Variants in CHCHD7 observed in about 807,000 individuals in gnomAD.
CHCHD7 encodes coiled-coil-helix-coiled-coil-helix domain containing 7, also known as coiled-coil-helix-coiled-coil-helix domain-containing protein 7.
In CHCHD7, 7 loss-of-function variants were observed where a neutral mutation model predicts 10.5. That is an observed-to-expected ratio of 0.67 (90% CI 0.38 to 1.25). The LOEUF (loss-of-function observed/expected upper bound fraction) is 1.25. Ranked by LOEUF, CHCHD7 falls within the 50% of genes most tolerant of loss-of-function variation. CHCHD7 has a pLI of 0.02. For synonymous variants in CHCHD7, 40 were observed against 36.0 expected, an observed-to-expected ratio of 1.11 and a Z score of -0.40; for missense variants, 100 against 104.5, an observed-to-expected ratio of 0.96 and a Z score of 0.19.
At chr8:56,213,008 C>T (rs1813109106) in intron 1 of CHCHD7, 4 of 706,536 alleles carry the variant, frequency 5.7e-6, no homozygotes, top group Non-Finnish European at 1.0e-5. Context: ...TTGTCTGATC[C>T]TTGTTGAGAT....
Position 56,217,425 on chromosome 8 carries a change from T to C in CHCHD7, c.248T>C (p.Met83Thr), listed in dbSNP as rs201940178. Residue 83 changes from methionine (M) to threonine (T), a missense_variant, in exon 4 of 4, where the codon ATG becomes ACG. Coordinates refer to ENST00000355315, the MANE Select transcript of CHCHD7 (RefSeq NM_001011671.3). The stretch of plus-strand genomic sequence containing the variant: ...GAAATCTTGAGAGCAGTGGGAAATA[T>C]GCCCTATTGAATGTTTGCATTAAAA... ...RDEILRAVGN[M>T]PY 92 of 1,577,572 alleles carry C rather than the reference T, an allele frequency of 5.8e-5. No individual in the cohort carries two copies. The highest frequency in any genetic ancestry group is 7.3e-5 in the Non-Finnish European group (84 of 1,146,970).
chr8:56,216,673 A>C, intron 3 of CHCHD7, 142 bp downstream of exon 3: 1 of 872,046 alleles, frequency 1.1e-6, no homozygotes, highest in South Asian at 1.4e-5. Context: ...TCTGTGTGCT[A>C]CTTTAGCCGT....
chr8:56,214,548 T>G, intron 1 of CHCHD7, 50 bp from the exon 2 acceptor site: 1 of 1,416,466 alleles, frequency 7.1e-7, no homozygotes, highest in Non-Finnish European at 9.9e-7. Flanking sequence ...ATGTATTGAT[T>G]TATTTTCTGT....
At chr8:56,212,777 C>G in intron 1 of CHCHD7, 1 of 897,210 alleles carries the variant, frequency 1.1e-6, no homozygotes, top group Non-Finnish European at 1.9e-6. Flanking sequence ...ACACGAGGAA[C>G]TCATGCAAAG....
intron 1 of CHCHD7, chr8:56,213,164 G>A (rs917248031): frequency 6.2e-6 from 2 of 320,114 alleles, no homozygotes; most frequent in Non-Finnish European, 1.1e-5. Context: ...AGAGGAAGAA[G>A]CTTGTAGATA....
intron 3 of CHCHD7, among the ~76,000 whole-genome samples, 186 bp from the exon 4 acceptor site, chr8:56,217,145 T>C (rs1164198755): frequency 6.6e-6 from 1 of 152,230 alleles, no homozygotes; most frequent in Non-Finnish European, 1.5e-5. Flanking sequence ...TTCTATTTAA[T>C]TGTTACTAAT....
chr8:56,214,657 C>T lies in CHCHD7; in HGVS notation c.44C>T (p.Pro15Leu), dbSNP rs753777004. The T allele has an allele frequency of 1.9e-6, 3 of 1,612,998 alleles. No homozygotes were observed. Among genetic ancestry groups the T allele is most frequent in the South Asian group, 2.2e-5 (2 of 91,020 alleles). Residue 15 changes from proline (P) to leucine (L), a missense_variant, in exon 2 of 4, where the codon CCT becomes CTT. Pro to Leu is a moderately conservative substitution (Grantham distance 98). Transcript: ENST00000355315. ...AGGCTGAGAGATCCTGACATAAATCCTTGTTTGTCGGTAGGATGGTTTGCT... is the reference window on the plus strand; with the variant it reads ...AGGCTGAGAGATCCTGACATAAATCTTTGTTTGTCGGTAGGATGGTTTGCT... The part of the protein sequence containing the change: ...TQRLRDPDIN[P>L]CLSESDASTR...
At chr8:56,216,323 A>G (rs1173338646) in intron 2 of CHCHD7, 110 bp from the exon 3 acceptor site, 4 of 1,502,188 alleles carry the variant, frequency 2.7e-6, no homozygotes, top group Non-Finnish European at 3.6e-6. Context: ...ATGAACACAA[A>G]TGAACTATTT....
chr8:56,213,022 T>G (rs767841854), intron 1 of CHCHD7: 17 of 662,650 alleles, frequency 2.6e-5, no homozygotes, highest in Non-Finnish European at 4.3e-5. Context: ...TTGAGATTAT[T>G]AAATCTAAGG....
chr8:56,214,482 C>T, intron 1 of CHCHD7, 116 bp from the exon 2 acceptor site: 1 of 664,894 alleles, frequency 1.5e-6, no homozygotes. Flanking sequence ...TGAAGTTCCT[C>T]ACTAAGTGAT....
chr8:56,216,635 A>G (rs1204935863), intron 3 of CHCHD7, 104 bp downstream of exon 3: 4 of 1,206,688 alleles, frequency 3.3e-6, no homozygotes, highest in Non-Finnish European at 4.9e-6. Flanking sequence ...TGATGGCTGT[A>G]GGGAAACTTA....
intron 3 of CHCHD7, 59 bp downstream of exon 3, chr8:56,216,590 C>T: frequency 1.3e-6 from 2 of 1,574,522 alleles, no homozygotes; most frequent in Non-Finnish European, 1.7e-6. Flanking sequence ...GAAACTGAAG[C>T]CTAAAATTAG....
At chr8:56,216,840 G>A (rs1424367065) in intron 3 of CHCHD7, 10 of 647,528 alleles carry the variant, frequency 1.5e-5, no homozygotes, top group Non-Finnish European at 2.8e-5. Flanking sequence ...TGAACAGAAT[G>A]TTTAACTTCC....
chr8:56,213,854 C>G (rs1813180423), intron 1 of CHCHD7: 1 of 152,148 alleles, frequency 6.6e-6, no homozygotes, highest in Non-Finnish European at 1.5e-5. Context: ...TGTTGGCTAC[C>G]CTACTATTGG....
intron 3 of CHCHD7, chr8:56,216,870 T>G: frequency 1.8e-6 from 1 of 560,146 alleles, no homozygotes; most frequent in Non-Finnish European, 3.2e-6. Context: ...ACACATCATG[T>G]TAGGCTTCAA....
Position 56,214,610 on chromosome 8 carries a change from T to A in CHCHD7, c.-4T>A. On this transcript the variant is annotated 5_prime_UTR_variant, in exon 2 of 4. Coordinates refer to ENST00000355315, the MANE Select transcript of CHCHD7 (RefSeq NM_001011671.3). ...TGTCTACCCTCAGTAAGAAGACTGT[T>A]AGAATGCCCTCGGTAACACAGAGGC... is the stretch of plus-strand genomic sequence containing the variant. 1.2e-6 allele frequency: 2 copies of A among 1,612,952 alleles called. No homozygotes were observed. Among genetic ancestry groups the A allele is most frequent in the Non-Finnish European group, 1.7e-6 (2 of 1,179,044 alleles).
chr8:56,217,647 A>G lies in CHCHD7; in HGVS notation c.*212A>G, dbSNP rs759373156. 4.6e-6 allele frequency: 2 copies of G among 430,634 alleles called. No individual in the cohort carries two copies. The highest frequency in any genetic ancestry group is 3.8e-5 in the East Asian group (1 of 26,270). The allele number at this position is 430,634 out of a possible 1,614,324, so 26.7% of individuals were successfully genotyped here. ...TGGCTGTGTTGTGGCATGAGTTTGC[A>G]TGACTTTCTGGAGGCATGGAGTTAG... is the stretch of plus-strand genomic sequence containing the variant. On this transcript the variant is annotated 3_prime_UTR_variant, in exon 4 of 4. Coordinates refer to ENST00000355315, the MANE Select transcript of CHCHD7 (RefSeq NM_001011671.3).
chr8:56,216,789 C>G (rs1306036542), intron 3 of CHCHD7: 2 of 694,686 alleles, frequency 2.9e-6, no homozygotes, highest in Non-Finnish European at 5.2e-6. Context: ...ATCTGCAGCC[C>G]TAAAACAATG....
At chr8:56,212,558 C>T (rs1813065084) in intron 1 of CHCHD7, 2 of 322,650 alleles carry the variant, frequency 6.2e-6, no homozygotes, top group South Asian at 1.4e-4. Flanking sequence ...AGAGTTATCC[C>T]CTGAATGTGC....
Sources: allele counts gnomAD v4.1 joint callset (sites outside exome capture counted in the v4.1 genomes callset), GRCh38; gene constraint gnomAD v4.1.1; transcripts MANE v1.5; gene names NCBI Gene and HGNC (gene_info 2026-07-23, HGNC 2026-07-21).